RANBP10: variants seen among roughly 807,000 people sequenced by gnomAD.
RANBP10 encodes ran-binding protein 10.
In RANBP10, 24 loss-of-function variants were observed where a neutral mutation model predicts 72.8. That is an observed-to-expected ratio of 0.33 (90% CI 0.24 to 0.46). The LOEUF is 0.46. RANBP10 is among the 20% of genes least tolerant of loss of function. RANBP10 has a pLI of 1.00. For synonymous variants in RANBP10, 310 were observed against 322.3 expected, an observed-to-expected ratio of 0.96 and a Z score of 0.41; for missense variants, 679 against 817.5, an observed-to-expected ratio of 0.83 and a Z score of 2.07.
chr16:67,801,801 A>T (rs1318986570), intron 2 of RANBP10, among the ~76,000 whole-genome samples: 4 of 148,148 alleles, frequency 2.7e-5, no homozygotes, highest in Admixed American at 6.7e-5. Flanking sequence ...TAAAATAGTT[A>T]AAAAAAAAAT....
In RANBP10 at chr16:67,730,105, C is replaced by G; in HGVS notation, c.890-59G>C. 5 of 1,492,780 alleles carry G rather than the reference C, an allele frequency of 3.3e-6. No homozygotes were observed. Among genetic ancestry groups the G allele is most frequent in the Non-Finnish European group, 4.6e-6 (5 of 1,083,248 alleles). 92.5% of individuals were successfully genotyped at this position (1,492,780 alleles called of 1,614,324 possible). A position where few individuals can be genotyped will look rare whatever the true frequency, so the allele number is the denominator to read the frequency against. On this transcript the variant is annotated intron_variant, in intron 7 of 13. Transcript: ENST00000317506. This position sits in a 1 kb window ranked among gnomAD's most constrained non-coding sequence, Gnocchi z 4.3. ...GCTACAGGCCTCTCCCACAGCCACA[C>G]ACCTGGGATGCTGCCAGCCTCAGGG...
Position 67,729,801 on chromosome 16 carries a change from A to G in RANBP10, c.1026T>C (p.Asn342=), listed in dbSNP as rs1465623240. ...AACTTCGGACCTCACTGTCCGTCCC[A>G]TTCACCATCTCCACAAACTGCCGGC... ...LKCRQFVEMV[N]GTDSEVRSLS... Residue 342 remains asparagine (N), a synonymous_variant, in exon 9 of 14, where the codon AAT becomes AAC. Coordinates refer to ENST00000317506, the MANE Select transcript of RANBP10 (RefSeq NM_020850.3). The surrounding 1 kb of genome is among the most constrained non-coding windows in gnomAD (Gnocchi z 7.1). The G allele has an allele frequency of 1.2e-6, 2 of 1,614,028 alleles. No individual in the cohort carries two copies. The highest frequency in any genetic ancestry group is 4.5e-5 in the East Asian group (2 of 44,850).
Position 67,729,122 on chromosome 16 carries a change from G to A in RANBP10, c.1352+158C>T. 6.6e-6 allele frequency among the ~76,000 whole-genome samples: 1 copy of A among 152,272 alleles called. No homozygotes were observed. Among genetic ancestry groups the A allele is most frequent in the East Asian group, 1.9e-4 (1 of 5,202 alleles). On this transcript the variant is annotated intron_variant, in intron 10 of 13. Transcript: ENST00000317506. The surrounding 1 kb of genome is among the most constrained non-coding windows in gnomAD (Gnocchi z 7.1). Reference sequence around the variant, plus strand: ...AAATCGTGGGGAGGGCCAGAAGCCAGAGCTGATGTCTGGCCCGGTGGGCCA... The same window carrying A: ...AAATCGTGGGGAGGGCCAGAAGCCAAAGCTGATGTCTGGCCCGGTGGGCCA...
chr16:67,728,522 G>A lies in RANBP10; in HGVS notation c.1353-11C>T. 1 of 1,614,044 alleles carries A rather than the reference G, an allele frequency of 6.2e-7. No individual in the cohort carries two copies. The stretch of plus-strand genomic sequence containing the variant: ...TCCATCTCACTGTCGCTGTGGGGAG[G>A]GGTTGAGGTGGGAGTTGGCCCAGGG... On this transcript the variant is annotated splice_polypyrimidine_tract_variant and intron_variant, in intron 10 of 13. Transcript: ENST00000317506.
chr16:67,736,262 A>G (rs2053845984), intron 5 of RANBP10, among the ~76,000 whole-genome samples: 1 of 152,078 alleles, frequency 6.6e-6, no homozygotes, highest in Admixed American at 6.5e-5. Flanking sequence ...CCTGGGTTCA[A>G]GCAATTCTCT....
intron 2 of RANBP10, among the ~76,000 whole-genome samples, chr16:67,782,257 AG>A (rs2054826821): frequency 6.6e-6 from 1 of 151,744 alleles, no homozygotes; most frequent in African/African-American, 2.4e-5. Context: ...CTCCCACATC[AG>A]CCCCCTGAAT....
At chr16:67,805,405 G>A (rs1185877161) in intron 2 of RANBP10, 23 bp downstream of exon 2, 3 of 1,589,412 alleles carry the variant, frequency 1.9e-6, no homozygotes, top group African/African-American at 2.7e-5. Context: ...ATCAGGGAAA[G>A]AGGGTGGTCA....
chr16:67,797,305 C>T (rs902968887), intron 2 of RANBP10, among the ~76,000 whole-genome samples: 5 of 152,244 alleles, frequency 3.3e-5, no homozygotes, highest in Admixed American at 6.5e-5. Context: ...AAGGCAACGA[C>T]GCTCCCCACT....
At position 67,765,132 on chromosome 16, in the gene RANBP10, G is replaced by A. The variant is rs1023007449; in HGVS notation, c.400+6902C>T. On this transcript the variant is annotated intron_variant, in intron 3 of 13. Transcript: ENST00000317506. ...CAGGAGAATCACTTGCCCAGGAGGC[G>A]GAGGTTGCACTGAGCCAAGATTGCA... 3.4e-5 allele frequency among the ~76,000 whole-genome samples: 5 copies of A among 147,356 alleles called. No individual in the cohort carries two copies. In the East Asian group the frequency reaches 6.0e-4, roughly 18 times the overall value.
At chr16:67,792,677 G>A (rs1196253245) in intron 2 of RANBP10, among the ~76,000 whole-genome samples, 1 of 151,904 alleles carries the variant, frequency 6.6e-6, no homozygotes, top group African/African-American at 2.4e-5. Context: ...CAGCTACTCA[G>A]GAGGCTGAGA....
At chr16:67,764,726 CAT>C (rs554400243) in intron 3 of RANBP10, among the ~76,000 whole-genome samples, 184 of 152,266 alleles carry the variant, frequency 1.2e-3, no homozygotes, top group Non-Finnish European at 1.8e-3. Context: ...AATAAACAGA[CAT>C]ATGTCATTTC....
intron 3 of RANBP10, among the ~76,000 whole-genome samples, chr16:67,745,033 T>C (rs983618533): frequency 6.6e-6 from 1 of 152,022 alleles, no homozygotes; most frequent in Non-Finnish European, 1.5e-5. Context: ...TGTTTCACCA[T>C]GTTAGCCAGG....
chr16:67,783,752 G>A (rs1401389256), intron 2 of RANBP10, among the ~76,000 whole-genome samples: 1 of 152,058 alleles, frequency 6.6e-6, no homozygotes. Flanking sequence ...AAGCCACTAA[G>A]AAGACATCAG....
intron 2 of RANBP10, among the ~76,000 whole-genome samples, chr16:67,785,197 T>A (rs369053498): frequency 6.0e-5 from 9 of 150,628 alleles, no homozygotes; most frequent in African/African-American, 2.0e-4. Flanking sequence ...GGGTGACAGA[T>A]CGAGAGTCGG....
intron 4 of RANBP10, chr16:67,739,161 TCAC>T (rs1378638283): frequency 6.6e-6 from 1 of 152,132 alleles, no homozygotes; most frequent in East Asian, 1.9e-4. Flanking sequence ...AGACAGGGTT[TCAC>T]CATGTTGGCC....
intron 3 of RANBP10, among the ~76,000 whole-genome samples, chr16:67,746,427 G>C (rs1194837501): frequency 1.3e-5 from 2 of 152,098 alleles, no homozygotes; most frequent in Admixed American, 1.3e-4. Context: ...CTTGCAGTGA[G>C]CCGAGATCGC....
chr16:67,774,854 T>C (rs533870768), intron 2 of RANBP10, among the ~76,000 whole-genome samples: 1 of 152,232 alleles, frequency 6.6e-6, no homozygotes, highest in South Asian at 2.1e-4. Context: ...TTAAAGACTA[T>C]CATCCAACCA....
rs1389766981 is a variant in RANBP10, at chr16:67,726,398, G to A, written c.*30C>T. On this transcript the variant is annotated 3_prime_UTR_variant, in exon 14 of 14. Transcript: ENST00000317506. Reference sequence around the variant, plus strand: ...CAGCTCCAGCCCTGGGGCCAGTGGAGGGCCAGCCAGAGCCAGCCAGCACAG... The same window carrying A: ...CAGCTCCAGCCCTGGGGCCAGTGGAAGGCCAGCCAGAGCCAGCCAGCACAG... 6.2e-7 allele frequency: 1 copy of A among 1,610,760 alleles called. No individual in the cohort carries two copies. The highest frequency in any genetic ancestry group is 8.5e-7 in the Non-Finnish European group (1 of 1,178,962).
intron 3 of RANBP10, among the ~76,000 whole-genome samples, chr16:67,747,653 G>A (rs1170606731): frequency 2.0e-5 from 3 of 151,882 alleles, no homozygotes; most frequent in South Asian, 2.1e-4. Context: ...ACAGGCACGC[G>A]CCACTACCAG....
Sources: allele counts gnomAD v4.1 joint callset (sites outside exome capture counted in the v4.1 genomes callset), GRCh38; gene constraint gnomAD v4.1.1; non-coding constraint Gnocchi (gnomAD v3.1); transcripts MANE v1.5; gene names NCBI Gene and HGNC (gene_info 2026-07-23, HGNC 2026-07-21).